The following TEX10 variants were observed in gnomAD, a reference collection of about 807,000 sequenced individuals.
TEX10 encodes testis expressed 10, also known as testis-expressed protein 10.
In TEX10, 24 loss-of-function variants were observed where a neutral mutation model predicts 104.4. The ratio of observed to expected loss-of-function variants is 0.23; its 90% confidence interval spans 0.17 to 0.32. The LOEUF is 0.32. Ranked by LOEUF, TEX10 falls within the 10% of genes least tolerant of loss-of-function variation. The pLI is 1.00. For synonymous variants in TEX10, 396 were observed against 393.4 expected (o/e 1.01, Z -0.08); for missense variants, 921 against 1,083.9 (o/e 0.85, Z 2.11).
At position 100,339,245 on chromosome 9, in the gene TEX10, C is replaced by CAAAAAAAAAAAAA. The variant is rs1182764934; in HGVS notation, c.1250+999_1250+1011dup. ...TGGGAAACAGAGTGAGACTCCATCT[C>CAAAAAAAAAAAAA]AAAAAAAAAAAAAAAAAAAAAAAAA... On this transcript the variant is annotated intron_variant, in intron 5 of 14. Coordinates refer to ENST00000374902, the MANE Select transcript of TEX10 (RefSeq NM_017746.4). Among the ~76,000 whole-genome samples, 8 of 29,410 alleles carry CAAAAAAAAAAAAA rather than the reference C, an allele frequency of 2.7e-4. 1 individual carries two copies. Among genetic ancestry groups the CAAAAAAAAAAAAA allele is most frequent in the African/African-American group, 9.9e-4 (8 of 8,098 alleles). 19.3% of individuals were successfully genotyped at this position (29,410 alleles called of 152,430 possible). A position where few individuals can be genotyped will look rare whatever the true frequency, so the allele number is the denominator to read the frequency against.
chr9:100,325,153 C>T (rs940948197), intron 9 of TEX10, among the ~76,000 whole-genome samples: 3 of 152,166 alleles, frequency 2.0e-5, no homozygotes, highest in Non-Finnish European at 2.9e-5. Context: ...TGAAGAAAGT[C>T]TATTAAAAGT....
chr9:100,329,441 A>ATTT (rs1322822109), intron 6 of TEX10, among the ~76,000 whole-genome samples, 166 bp from the exon 7 acceptor site: 1 of 152,214 alleles, frequency 6.6e-6, no homozygotes, highest in African/African-American at 2.4e-5. Flanking sequence ...CCTAATAAAA[A>ATTT]AGTCAAACCA....
chr9:100,326,808 C>T (rs1834717034), intron 8 of TEX10, among the ~76,000 whole-genome samples: 1 of 152,088 alleles, frequency 6.6e-6, no homozygotes, highest in Admixed American at 6.5e-5. Context: ...GTGACAATTA[C>T]ATCAACCTGA....
intron 4 of TEX10, among the ~76,000 whole-genome samples, chr9:100,343,132 G>A (rs188231911): frequency 5.3e-5 from 8 of 149,652 alleles, no homozygotes; most frequent in Non-Finnish European, 1.0e-4. Context: ...GTGAGACTCC[G>A]TCTCCAAAAA....
chr9:100,339,008 CT>C (rs1835086983), intron 5 of TEX10, among the ~76,000 whole-genome samples: 1 of 151,736 alleles, frequency 6.6e-6, no homozygotes, highest in Non-Finnish European at 1.5e-5. Flanking sequence ...AATTACAGCA[CT>C]TTGGGAGGCT....
At chr9:100,339,851 G>A (rs1005391546) in intron 5 of TEX10, among the ~76,000 whole-genome samples, 3 of 150,262 alleles carry the variant, frequency 2.0e-5, no homozygotes, top group Non-Finnish European at 3.0e-5. Context: ...TCCTTCCTTC[G>A]GGATACTGAT....
chr9:100,308,318 A>T (rs1014505457), intron 13 of TEX10, among the ~76,000 whole-genome samples, 182 bp downstream of exon 13: 1 of 152,198 alleles, frequency 6.6e-6, no homozygotes, highest in Non-Finnish European at 1.5e-5. Context: ...AAAAATTTTC[A>T]CTACAACACA....
At chr9:100,352,665 G>C (rs1250753785) in intron 1 of TEX10, 107 bp downstream of exon 1, 11 of 1,415,784 alleles carry the variant, frequency 7.8e-6, no homozygotes, top group Non-Finnish European at 1.0e-5. Context: ...CGCAAATCGT[G>C]CACGGCCGAC....
In TEX10 at chr9:100,329,962, G is replaced by C. The variant is rs1215025335; in HGVS notation, c.1458C>G (p.Ser486=). 6.2e-7 allele frequency: 1 copy of C among 1,613,604 alleles called. No homozygotes were observed. The highest frequency in any genetic ancestry group is 2.2e-5 in the East Asian group (1 of 44,862). Residue 486 remains serine (S), a synonymous_variant, in exon 6 of 15, where the codon TCC becomes TCG. Transcript: ENST00000374902. ...TTGGCTGTATTTGCATTAACCTCCA[G>C]GATACTCCCAGCAATCTGTTCAGTT... ...SKQLNRLLGV[S]WRLMQIQPNR... is the part of the protein sequence containing the mutation.
At position 100,347,363 on chromosome 9, in the gene TEX10, T is replaced by C; in HGVS notation, c.224A>G (p.Gln75Arg). The C allele has an allele frequency of 6.2e-7, 1 of 1,610,974 alleles. No individual in the cohort carries two copies. Among genetic ancestry groups the C allele is most frequent in the Non-Finnish European group, 8.5e-7 (1 of 1,178,536 alleles). Residue 75 changes from glutamine (Q) to arginine (R), a missense_variant, in exon 3 of 15, where the codon CAA becomes CGA. Transcript: ENST00000374902. ...GTCTTTAAGTCCAAGAAGAGCACTT[T>C]GTTTAACCCCAGCATTGTAGTGATG... ...QMHHYNAGVK[Q>R]SALLGLKDLL... is the part of the protein sequence containing the mutation.
At chr9:100,322,868 G>A (rs149920461) in intron 9 of TEX10, among the ~76,000 whole-genome samples, 118 of 152,132 alleles carry the variant, frequency 7.8e-4, no homozygotes, top group African/African-American at 2.8e-3. Flanking sequence ...CACCTGCCTC[G>A]GTCTCCCAGA....
chr9:100,311,848 A>G (rs1435693521), intron 11 of TEX10, among the ~76,000 whole-genome samples: 1 of 152,210 alleles, frequency 6.6e-6, no homozygotes, highest in Non-Finnish European at 1.5e-5. Context: ...ACATCACATG[A>G]AAAAACAAGA....
intron 5 of TEX10, among the ~76,000 whole-genome samples, chr9:100,339,368 A>ATATTTG (rs1200224906): frequency 2.1e-5 from 3 of 142,248 alleles, no homozygotes; most frequent in African/African-American, 7.8e-5. Context: ...ATATTTATAT[A>ATATTTG]TATTTATATA....
At position 100,346,133 on chromosome 9, in the gene TEX10, A is replaced by G; in HGVS notation, c.1076T>C (p.Val359Ala). 1 of 1,614,046 alleles carries G rather than the reference A, an allele frequency of 6.2e-7. No individual in the cohort carries two copies. Among genetic ancestry groups the G allele is most frequent in the Non-Finnish European group, 8.5e-7 (1 of 1,179,954 alleles). Residue 359 changes from valine (V) to alanine (A), a missense_variant, in exon 4 of 15, where the codon GTT (valine) becomes GCT (alanine). This residue lies in a region of TEX10 where 753 missense variants were observed against 868.4 expected (regional missense o/e 0.87). Transcript: ENST00000374902. ...EREPLQVMQQ[V>A]LNIISLLWKL... ...CCACAGAAGGGAAATAATATTAAGA[A>G]CTTGCTGCATAACCTGTAGAGGTTC...
At chr9:100,345,214 C>T (rs1349569108) in intron 4 of TEX10, among the ~76,000 whole-genome samples, 1 of 152,078 alleles carries the variant, frequency 6.6e-6, no homozygotes. Flanking sequence ...CAAAACATTC[C>T]TACAGATGAT....
intron 9 of TEX10, among the ~76,000 whole-genome samples, chr9:100,325,595 A>T (rs1834686154): frequency 6.6e-6 from 1 of 152,124 alleles, no homozygotes; most frequent in East Asian, 1.9e-4. Flanking sequence ...CAGTGGTGCC[A>T]TCTTGACTCA....
rs777537717 is a variant in TEX10, at chr9:100,346,160, C to T, written c.1049G>A (p.Arg350Gln). 3.7e-6 allele frequency: 6 copies of T among 1,613,836 alleles called. No homozygotes were observed. Among genetic ancestry groups the T allele is most frequent in the African/African-American group, 1.3e-5 (1 of 74,896 alleles). ...TTGCTGCATAACCTGTAGAGGTTCT[C>T]GTTCTATACCATTCCCAACAGGAGT... ...LATPVGNGIEREPLQVMQQVL... is the reference protein window; with the variant it reads ...LATPVGNGIEQEPLQVMQQVL... The change falls in exon 4 of 15, where the codon CGA becomes CAA. Residue 350 changes from arginine (R) to glutamine (Q), a missense_variant. Physicochemically the swap from Arg to Gln is conservative, Grantham distance 43 (BLOSUM62 1). This residue lies in a region of TEX10 where 753 missense variants were observed against 868.4 expected (regional missense o/e 0.87). Coordinates refer to ENST00000374902, the MANE Select transcript of TEX10 (RefSeq NM_017746.4).
chr9:100,303,680 A>ATGAG lies in TEX10; in HGVS notation c.2624_2627dup (p.Met877SerfsTer59). ...GCACCAAGATCGCATTGGTCAACAT[A>ATGAG]TGAGTCCTGAGGGGTGCATGCTGAA... On this transcript the variant is annotated frameshift_variant, in exon 14 of 15. Coordinates refer to ENST00000374902, the MANE Select transcript of TEX10 (RefSeq NM_017746.4). LOFTEE classifies it high-confidence loss of function. 6.2e-7 allele frequency: 1 copy of ATGAG among 1,614,094 alleles called. No individual in the cohort carries two copies. Among genetic ancestry groups the ATGAG allele is most frequent in the Non-Finnish European group, 8.5e-7 (1 of 1,180,022 alleles).
At chr9:100,337,669 A>G (rs1054861565) in intron 5 of TEX10, among the ~76,000 whole-genome samples, 4 of 152,216 alleles carry the variant, frequency 2.6e-5, no homozygotes, top group African/African-American at 7.2e-5. Flanking sequence ...GAGTCAAGAA[A>G]CGGCTTCCAC....
Sources: gnomAD v4.1 joint callset for allele counts (sites outside exome capture counted in the v4.1 genomes callset) on GRCh38, gnomAD v4.1.1 for gene constraint, gnomAD v4.1.1 regional missense constraint, MANE v1.5 for transcripts, NCBI Gene and HGNC (gene_info 2026-07-23, HGNC 2026-07-21) for gene names.